TAFA4: variants seen among roughly 807,000 people sequenced by gnomAD.
TAFA4 encodes the protein chemokine-like protein TAFA-4.
A neutral mutation model predicts 21.1 loss-of-function variants in TAFA4; 20 were observed. The ratio of observed to expected loss-of-function variants is 0.95; its 90% CI spans 0.67 to 1.38. The LOEUF (loss-of-function observed/expected upper bound fraction) is 1.38. Ranked by LOEUF, TAFA4 falls within the 40% of genes most tolerant of loss-of-function variation. TAFA4 has a pLI of 0.00. For missense variants in TAFA4, 211 were observed against 180.9 expected (o/e 1.17, Z -0.95); for synonymous variants, 71 against 67.4 (o/e 1.05, Z -0.26).
intron 4 of TAFA4, among the ~76,000 whole-genome samples, chr3:68,751,532 C>G (rs1702556610): frequency 6.6e-6 from 1 of 152,164 alleles, no homozygotes; most frequent in South Asian, 2.1e-4. Context: ...TGGAGATATA[C>G]AGACTCAGCA....
chr3:68,851,418 T>C (rs1704947171), intron 3 of TAFA4, among the ~76,000 whole-genome samples: 1 of 152,048 alleles, frequency 6.6e-6, no homozygotes, highest in South Asian at 2.1e-4. Context: ...GATGGGTTGA[T>C]AGGTGCAGCA....
At chr3:68,875,002 C>T (rs985522294) in intron 3 of TAFA4, among the ~76,000 whole-genome samples, 4 of 152,048 alleles carry the variant, frequency 2.6e-5, no homozygotes, top group Admixed American at 1.3e-4. Context: ...TGGGGTACAA[C>T]GGAGGCTAGT....
intron 3 of TAFA4, among the ~76,000 whole-genome samples, chr3:68,818,817 A>G (rs1228554837): frequency 6.6e-6 from 1 of 152,250 alleles, no homozygotes; most frequent in Non-Finnish European, 1.5e-5. Flanking sequence ...CACTGATCAC[A>G]GATCACCATA....
At chr3:68,751,887 C>T (rs1287117010) in intron 4 of TAFA4, among the ~76,000 whole-genome samples, 1 of 152,152 alleles carries the variant, frequency 6.6e-6, no homozygotes, top group African/African-American at 2.4e-5. Context: ...CATTTGGCCC[C>T]CAAAGTTTCT....
At chr3:68,888,209 C>A (rs1320608294) in intron 1 of TAFA4, among the ~76,000 whole-genome samples, 1 of 152,040 alleles carries the variant, frequency 6.6e-6, no homozygotes, top group African/African-American at 2.4e-5. Flanking sequence ...CGCAATTCAG[C>A]CAAATTCTTT....
chr3:68,795,897 T>A (rs113489998), intron 3 of TAFA4, among the ~76,000 whole-genome samples: 6 of 152,218 alleles, frequency 3.9e-5, no homozygotes, highest in African/African-American at 1.4e-4. Flanking sequence ...TGTTGTGATC[T>A]AAGCCATATC....
chr3:68,871,412 A>G (rs1452079883), intron 3 of TAFA4, among the ~76,000 whole-genome samples: 1 of 152,110 alleles, frequency 6.6e-6, no homozygotes, highest in African/African-American at 2.4e-5. Context: ...ATCGCTCACT[A>G]TATACAAAAA....
rs113990848 is a variant in TAFA4, at chr3:68,789,172, A to C, written c.131-36154T>G. Among the ~76,000 whole-genome samples the C allele has an allele frequency of 9.2e-4, 139 of 151,568 alleles. 1 individual carries two copies. The highest frequency in any genetic ancestry group is 3.2e-3 in the African/African-American group (134 of 41,248). On this transcript the variant is annotated intron_variant, in intron 3 of 5. Transcript: ENST00000295569. Reference sequence around the variant, plus strand: ...TGTGAACCTGGGAGGCAGAGCTTACAGTGAGCTGGGATCGCGCCACTGCAC... The same window carrying C: ...TGTGAACCTGGGAGGCAGAGCTTACCGTGAGCTGGGATCGCGCCACTGCAC...
At chr3:68,889,249 G>A (rs2089707336) in intron 1 of TAFA4, among the ~76,000 whole-genome samples, 1 of 152,188 alleles carries the variant, frequency 6.6e-6, no homozygotes, top group Non-Finnish European at 1.5e-5. Context: ...GTATTATGTG[G>A]AGACAGTTAC....
At chr3:68,928,562 C>T (rs556460709) in intron 1 of TAFA4, among the ~76,000 whole-genome samples, 8 of 152,308 alleles carry the variant, frequency 5.3e-5, no homozygotes, top group East Asian at 3.9e-4. Context: ...AATACTCTTC[C>T]ATCGCCAGCT....
chr3:68,755,597 C>G (rs1261434430), intron 3 of TAFA4, among the ~76,000 whole-genome samples: 1 of 152,158 alleles, frequency 6.6e-6, no homozygotes, highest in African/African-American at 2.4e-5. Context: ...CAGGGTTGGT[C>G]TATATGACCA....
chr3:68,816,854 GA>G (rs1421477865), intron 3 of TAFA4, among the ~76,000 whole-genome samples: 1 of 97,678 alleles, frequency 1.0e-5, no homozygotes, highest in East Asian at 2.1e-4. Context: ...ACACTTAACT[GA>G]AAAACACATT....
chr3:68,896,906 T>C (rs1290140781), intron 1 of TAFA4, among the ~76,000 whole-genome samples: 1 of 152,184 alleles, frequency 6.6e-6, no homozygotes, highest in African/African-American at 2.4e-5. Context: ...TGTTTTTGTT[T>C]AGTTTTGTTT....
intron 3 of TAFA4, among the ~76,000 whole-genome samples, chr3:68,772,472 C>G (rs546973940): frequency 6.6e-6 from 1 of 152,144 alleles, no homozygotes. Context: ...AAGGTGAATT[C>G]TCTCCCTCAC....
intron 3 of TAFA4, among the ~76,000 whole-genome samples, chr3:68,821,891 G>C (rs1263024269): frequency 6.6e-6 from 1 of 152,170 alleles, no homozygotes; most frequent in Non-Finnish European, 1.5e-5. Context: ...TTTAAAGACT[G>C]TGCTGCCAAA....
chr3:68,871,091 C>T (rs1389653779), intron 3 of TAFA4, among the ~76,000 whole-genome samples: 3 of 152,086 alleles, frequency 2.0e-5, no homozygotes, highest in Admixed American at 6.6e-5. Context: ...AATGGGAATG[C>T]TTTTACACTG....
chr3:68,780,365 G>A (rs1042973092), intron 3 of TAFA4, among the ~76,000 whole-genome samples: 1 of 152,182 alleles, frequency 6.6e-6, no homozygotes, highest in Non-Finnish European at 1.5e-5. Flanking sequence ...GAATTGCGGG[G>A]GAGCCAGAGG....
At position 68,739,643 on chromosome 3, in the gene TAFA4, C is replaced by T. The variant is rs555997156; in HGVS notation, c.287-444G>A. On this transcript the variant is annotated intron_variant, in intron 4 of 5. Coordinates refer to ENST00000295569, the MANE Select transcript of TAFA4 (RefSeq NM_182522.5). ...ACAACATGTGTCCATCAATGGAGGA[C>T]GGGATAAAGAAAATGTGGTATAGAT... Among the ~76,000 whole-genome samples, 35 of 152,110 alleles carry T rather than the reference C, an allele frequency of 2.3e-4. 1 individual carries two copies. The highest frequency in any genetic ancestry group is 5.1e-4 in the African/African-American group (21 of 41,480).
chr3:68,812,767 A>G lies in TAFA4; in HGVS notation c.131-59749T>C, dbSNP rs1053889888. ...GGCTGTCAACATTAGACAGATCAACAAGACCGAAAGTTAAGAAGGATACCC... is the reference window on the plus strand; with the variant it reads ...GGCTGTCAACATTAGACAGATCAACGAGACCGAAAGTTAAGAAGGATACCC... On this transcript the variant is annotated intron_variant, in intron 3 of 5. Coordinates refer to ENST00000295569, the MANE Select transcript of TAFA4 (RefSeq NM_182522.5). Among the ~76,000 whole-genome samples the G allele has an allele frequency of 3.3e-5, 5 of 152,224 alleles. No homozygotes were observed. The South Asian group carries it at 8.3e-4, about 25-fold the overall frequency.
Sources: gnomAD v4.1 joint callset for allele counts (sites outside exome capture counted in the v4.1 genomes callset) on GRCh38, gnomAD v4.1.1 for gene constraint, MANE v1.5 for transcripts, NCBI Gene and HGNC (gene_info 2026-07-23, HGNC 2026-07-21) for gene names.